SORCS2: variants seen among roughly 807,000 people sequenced by gnomAD.
The protein encoded by SORCS2 is sortilin related VPS10 domain containing receptor 2, also known as VPS10 domain-containing receptor SorCS2.
Under a neutral mutation model 141.6 loss-of-function variants are expected in SORCS2, and 100 were observed. The ratio of observed to expected loss-of-function variants is 0.71; its 90% CI spans 0.60 to 0.83. The LOEUF is 0.83. Among genes scored for constraint, SORCS2 ranks in the 40% least tolerant of loss-of-function variants. SORCS2 has a pLI of 0.00. For missense variants in SORCS2, 1,646 were observed against 1,560.2 expected (o/e 1.05, Z -0.93); for synonymous variants, 789 against 676.9 (o/e 1.17, Z -2.57).
chr4:7,616,564 CCAGA>C (rs1351211598), intron 3 of SORCS2, among the ~76,000 whole-genome samples: 3 of 152,174 alleles, frequency 2.0e-5, no homozygotes, highest in African/African-American at 4.8e-5. Context: ...CCGCAAGGAC[CCAGA>C]CAGACAGACC....
chr4:7,229,208 C>A (rs1473859798), intron 1 of SORCS2, among the ~76,000 whole-genome samples: 1 of 152,162 alleles, frequency 6.6e-6, no homozygotes, highest in Non-Finnish European at 1.5e-5. Flanking sequence ...GTGGCCCCAT[C>A]TCTGCATACC....
chr4:7,706,323 C>T (rs62290736), intron 14 of SORCS2, among the ~76,000 whole-genome samples: 12,116 of 24,596 alleles, frequency 0.49, 2,397 homozygotes, highest in South Asian at 0.64. Flanking sequence ...GGCTGGGCTC[C>T]GTCTGGGCAG....
intron 1 of SORCS2, among the ~76,000 whole-genome samples, chr4:7,294,331 C>G (rs982268655): frequency 1.3e-5 from 2 of 152,148 alleles, no homozygotes; most frequent in Non-Finnish European, 2.9e-5. Flanking sequence ...AACAGGCATC[C>G]TCTGGTGTAA....
intron 3 of SORCS2, among the ~76,000 whole-genome samples, chr4:7,550,548 G>C (rs771901857): frequency 6.6e-6 from 1 of 152,212 alleles, no homozygotes; most frequent in Non-Finnish European, 1.5e-5. Context: ...TTGAAAACAG[G>C]TGTGTCTGGG....
intron 2 of SORCS2, among the ~76,000 whole-genome samples, chr4:7,424,483 C>A (rs914593484): frequency 4.6e-5 from 7 of 152,198 alleles, no homozygotes; most frequent in Non-Finnish European, 7.3e-5. Context: ...AATCCGGGTC[C>A]ACACAGTCCT....
chr4:7,499,073 G>T (rs1447023106), intron 2 of SORCS2, among the ~76,000 whole-genome samples: 2 of 143,170 alleles, frequency 1.4e-5, no homozygotes, highest in East Asian at 1.9e-4. Flanking sequence ...GTGTGCATAT[G>T]TGGGAGTGTG....
At chr4:7,327,166 G>A (rs968062582) in intron 1 of SORCS2, among the ~76,000 whole-genome samples, 9 of 152,230 alleles carry the variant, frequency 5.9e-5, no homozygotes, top group African/African-American at 2.2e-4. Context: ...AGCTGGGGGC[G>A]TCAAACAACA....
intron 2 of SORCS2, among the ~76,000 whole-genome samples, chr4:7,465,128 G>A (rs1239469568): frequency 6.6e-6 from 1 of 152,224 alleles, no homozygotes; most frequent in Non-Finnish European, 1.5e-5. Flanking sequence ...CGGGGCCGCT[G>A]GGCGAAAGAA....
chr4:7,671,283 T>C (rs1354286644), intron 8 of SORCS2, among the ~76,000 whole-genome samples: 1 of 152,116 alleles, frequency 6.6e-6, no homozygotes. Flanking sequence ...ACTGTCCAGT[T>C]TTTGACATAA....
At chr4:7,380,295 CACAGGGG>C (rs368328813) in intron 1 of SORCS2, among the ~76,000 whole-genome samples, 2,979 of 152,292 alleles carry the variant, frequency 0.02, 95 homozygotes, top group African/African-American at 0.068. Context: ...AAGTAACATT[CACAGGGG>C]ACAGGCTTTT....
rs751687862 is a variant in SORCS2, at chr4:7,630,994, C to T, written c.649-7334C>T. ...GAGTTCTGCAGAGGCGAGTGTGATC[C>T]AGAGCTCTAGCGAGGCGAGAAGTGG... On this transcript the variant is annotated intron_variant, in intron 3 of 26. Coordinates refer to ENST00000507866, the MANE Select transcript of SORCS2 (RefSeq NM_020777.3). 1.5e-3 allele frequency among the ~76,000 whole-genome samples: 220 copies of T among 151,518 alleles called. 2 individuals are homozygous for T. The highest frequency in any genetic ancestry group is 1.1e-3 in the Non-Finnish European group (72 of 67,966).
intron 1 of SORCS2, among the ~76,000 whole-genome samples, chr4:7,196,741 A>T (rs1395475410): frequency 6.6e-6 from 1 of 151,950 alleles, no homozygotes; most frequent in Non-Finnish European, 1.5e-5. Context: ...GATTCTGAGC[A>T]GACTACCCAC....
At chr4:7,576,049 C>G (rs1186198796) in intron 3 of SORCS2, among the ~76,000 whole-genome samples, 1 of 152,238 alleles carries the variant, frequency 6.6e-6, no homozygotes, top group Non-Finnish European at 1.5e-5. Flanking sequence ...ACAAACAAGA[C>G]TTCAGCAACT....
intron 3 of SORCS2, among the ~76,000 whole-genome samples, chr4:7,611,148 A>G (rs948762084): frequency 6.6e-6 from 1 of 152,180 alleles, no homozygotes; most frequent in African/African-American, 2.4e-5. Context: ...AAAAGCCCAC[A>G]TGGAGCCAGT....
intron 1 of SORCS2, among the ~76,000 whole-genome samples, chr4:7,200,563 T>C (rs1727432461): frequency 6.6e-6 from 1 of 152,242 alleles, no homozygotes; most frequent in South Asian, 2.1e-4. Flanking sequence ...ATTTGTATTT[T>C]ATTTATATGA....
At chr4:7,661,712 T>C (rs1722185805) in intron 6 of SORCS2, 148 bp downstream of exon 6, 4 of 769,570 alleles carry the variant, frequency 5.2e-6, no homozygotes, top group East Asian at 2.9e-5. Flanking sequence ...TGATTTTAAA[T>C]GTGCTTGTTT....
intron 10 of SORCS2, among the ~76,000 whole-genome samples, chr4:7,687,956 A>T (rs1259400728): frequency 1.3e-5 from 2 of 152,206 alleles, no homozygotes; most frequent in African/African-American, 4.8e-5. Flanking sequence ...GGCATTGCTC[A>T]TGGGTGAATC....
intron 3 of SORCS2, among the ~76,000 whole-genome samples, chr4:7,547,032 C>G (rs902308472): frequency 6.6e-6 from 1 of 152,138 alleles, no homozygotes; most frequent in South Asian, 2.1e-4. Context: ...TGTTTTTTAA[C>G]AACCCCTGCT....
Position 7,192,793 on chromosome 4 carries a change from G to GGGGCGCTCCCCTGAGCCC in SORCS2, c.154_171dup (p.Ser52_Arg57dup). The GGGGCGCTCCCCTGAGCCC allele has an allele frequency of 9.8e-7, 1 of 1,016,956 alleles. No homozygotes were observed. The highest frequency in any genetic ancestry group is 9.7e-5 in the East Asian group (1 of 10,308). The allele number at this position is 1,016,956 out of a possible 1,614,324, so 63.0% of individuals were successfully genotyped here. On this transcript the variant is annotated inframe_insertion, in exon 1 of 27. Transcript: ENST00000507866. The surrounding 1 kb of genome is among the most constrained non-coding windows in gnomAD (Gnocchi z 4.0). Reference sequence around the variant, plus strand: ...TGCTGCTGGGCGCCTGCGGGGCGGCGGGGCGCTCCCCTGAGCCCGGGCGCC... The same window carrying GGGGCGCTCCCCTGAGCCC: ...TGCTGCTGGGCGCCTGCGGGGCGGCGGGGCGCTCCCCTGAGCCCGGGCGCTCCCCTGAGCCCGGGCGCC...
Sources: gnomAD v4.1 joint callset for allele counts (sites outside exome capture counted in the v4.1 genomes callset) on GRCh38, gnomAD v4.1.1 for gene constraint, Gnocchi (gnomAD v3.1) non-coding constraint, MANE v1.5 for transcripts, NCBI Gene and HGNC (gene_info 2026-07-23, HGNC 2026-07-21) for gene names.